The following ZNF516 variants were observed in gnomAD, a reference collection of about 807,000 sequenced individuals.
ZNF516 encodes zinc finger protein 516.
A neutral mutation model predicts 79.7 loss-of-function variants in ZNF516; 19 were observed. The ratio of observed to expected loss-of-function variants is 0.24; its 90% CI spans 0.17 to 0.35. The LOEUF (loss-of-function observed/expected upper bound fraction) is 0.35, where lower values mean the gene tolerates loss of function less well. Ranked by LOEUF, ZNF516 falls within the 10% of genes least tolerant of loss-of-function variation. The pLI is 1.00. For missense variants in ZNF516, 1,678 were observed against 1,679.5 expected, an observed-to-expected ratio of 1.00 and a Z score of 0.02; for synonymous variants, 877 against 739.5, an observed-to-expected ratio of 1.19 and a Z score of -3.02.
chr18:76,460,632 T>C (rs1913041818), intron 2 of ZNF516, among the ~76,000 whole-genome samples: 1 of 152,128 alleles, frequency 6.6e-6, no homozygotes, highest in Non-Finnish European at 1.5e-5. Flanking sequence ...TTTCCTCCCT[T>C]TTTCAACGAG....
intron 1 of ZNF516, among the ~76,000 whole-genome samples, chr18:76,481,306 G>A (rs1880226496): frequency 6.6e-6 from 1 of 152,208 alleles, no homozygotes; most frequent in Admixed American, 6.5e-5. Flanking sequence ...AACAGAGCAG[G>A]CCCATAGACA....
chr18:76,432,544 C>T (rs2075675904), intron 3 of ZNF516, among the ~76,000 whole-genome samples: 9 of 152,276 alleles, frequency 5.9e-5, no homozygotes, highest in Admixed American at 5.2e-4. Context: ...TCTTCCGTGT[C>T]ACCTGAGCCC....
chr18:76,496,287 C>G (rs577179262), upstream of ZNF516: 1 of 1,288,958 alleles, frequency 7.8e-7, no homozygotes, highest in East Asian at 5.6e-5. Flanking sequence ...AGGCTCCTGG[C>G]CGTATTGTTC....
chr18:76,424,716 G>T (rs2075567346), intron 3 of ZNF516, among the ~76,000 whole-genome samples: 2 of 125,132 alleles, frequency 1.6e-5, no homozygotes, highest in Non-Finnish European at 3.2e-5. Context: ...AGGTGAAAAG[G>T]CTCCCTCCTG....
chr18:76,464,581 C>T (rs957557578), intron 1 of ZNF516, among the ~76,000 whole-genome samples: 3 of 151,736 alleles, frequency 2.0e-5, no homozygotes, highest in Admixed American at 2.0e-4. Context: ...TCCCTGGCAC[C>T]CCCAGCCTGG....
At chr18:76,388,864 C>CG (rs1319138143) in intron 3 of ZNF516, 4 of 152,162 alleles carry the variant, frequency 2.6e-5, no homozygotes, top group Non-Finnish European at 5.9e-5. Context: ...AGGCCCACGA[C>CG]GGGGCTGGCC....
Position 76,447,605 on chromosome 18 carries a change from C to T in ZNF516, c.-157-4394G>A, listed in dbSNP as rs117915937. Among the ~76,000 whole-genome samples the T allele has an allele frequency of 5.5e-3, 836 of 152,318 alleles. 2 individuals are homozygous for T. The highest frequency in any genetic ancestry group is 8.6e-3 in the Non-Finnish European group (588 of 68,032). On this transcript the variant is annotated intron_variant, in intron 2 of 6. Transcript: ENST00000443185. ...GGAATACGGAAAGGTTCTGCAACAA[C>T]ACAGATGCTCAGAGCCAAGGTGGAG...
chr18:76,490,854 G>T, intron 1 of ZNF516: 1 of 985,484 alleles, frequency 1.0e-6, no homozygotes, highest in Non-Finnish European at 1.2e-6. Flanking sequence ...GACACCCCTG[G>T]AAGGCCAGCC....
intron 3 of ZNF516, chr18:76,388,565 T>C (rs73974502): frequency 0.092 from 13,935 of 152,224 alleles, 1,567 homozygotes; most frequent in African/African-American, 0.27. Context: ...ATCATGTACA[T>C]TGATGACCCA....
chr18:76,402,414 T>TC (rs1159743952), intron 3 of ZNF516, among the ~76,000 whole-genome samples: 15 of 1,770 alleles, frequency 8.5e-3, no homozygotes, highest in Admixed American at 0.059. Flanking sequence ...GGACATTTCC[T>TC]TTCATCCAAG....
intron 3 of ZNF516, among the ~76,000 whole-genome samples, chr18:76,424,529 G>A (rs1222397558): frequency 2.1e-5 from 3 of 141,540 alleles, no homozygotes; most frequent in Admixed American, 1.4e-4. Context: ...ACACATGCAG[G>A]TGAAAAGGCT....
chr18:76,395,964 T>C (rs11664190), intron 3 of ZNF516, among the ~76,000 whole-genome samples: 54,046 of 152,064 alleles, frequency 0.36, 9,897 homozygotes, highest in East Asian at 0.48. Flanking sequence ...CCTGCCTTCT[T>C]CCCAGCATCC....
chr18:76,380,448 AC>A, intron 3 of ZNF516, 145 bp from the exon 4 acceptor site: 1 of 1,006,338 alleles, frequency 9.9e-7, no homozygotes, highest in Non-Finnish European at 1.4e-6. Context: ...CTCTTAGAAA[AC>A]CCCTGAGGAG....
chr18:76,453,921 G>A (rs941185271), intron 2 of ZNF516, among the ~76,000 whole-genome samples: 3 of 152,050 alleles, frequency 2.0e-5, no homozygotes, highest in Non-Finnish European at 4.4e-5. Context: ...AACAATGTTC[G>A]CCTCCCAAAC....
At chr18:76,484,288 C>T (rs1914701259) in intron 1 of ZNF516, among the ~76,000 whole-genome samples, 1 of 152,296 alleles carries the variant, frequency 6.6e-6, no homozygotes, top group South Asian at 2.1e-4. Context: ...TGTCAGGATT[C>T]ACTCAAAAAT....
chr18:76,358,675 C>T lies in ZNF516; in HGVS notation c.*3823G>A, dbSNP rs148777975. 1.3e-5 allele frequency: 2 copies of T among 152,298 alleles called. No homozygotes were observed. The highest frequency in any genetic ancestry group is 2.1e-4 in the South Asian group (1 of 4,818). The allele number at this position is 152,298 out of a possible 1,614,324, so 9.4% of individuals were successfully genotyped here. ...ATATGCTACTTAAGACATTTTGAAGCAGAAAGTAAAGCTATGTGAATGCCG... is the reference window on the plus strand; with the variant it reads ...ATATGCTACTTAAGACATTTTGAAGTAGAAAGTAAAGCTATGTGAATGCCG... On this transcript the variant is annotated 3_prime_UTR_variant, in exon 7 of 7. Coordinates refer to ENST00000443185, the MANE Select transcript of ZNF516 (RefSeq NM_014643.4).
rs2075225703 is a variant in ZNF516, at chr18:76,401,679, C to T, written c.1811-21376G>A. Among the ~76,000 whole-genome samples the T allele has an allele frequency of 2.7e-5, 4 of 147,744 alleles. 1 individual carries two copies. Among genetic ancestry groups the T allele is most frequent in the Admixed American group, 2.0e-4 (3 of 14,664 alleles). ...GGGCAAGGTGAGCCCGGAGCACAAC[C>T]GGCCTCCCAGTCAGTTCCTTCCCGG... On this transcript the variant is annotated intron_variant, in intron 3 of 6. Transcript: ENST00000443185.
intron 3 of ZNF516, among the ~76,000 whole-genome samples, chr18:76,417,881 T>C (rs1033756992): frequency 2.6e-5 from 4 of 152,252 alleles, no homozygotes; most frequent in Non-Finnish European, 5.9e-5. Context: ...TGTCACTTAT[T>C]AAATGTGAGA....
intron 5 of ZNF516, among the ~76,000 whole-genome samples, chr18:76,370,976 C>A (rs539728144): frequency 7.2e-5 from 11 of 152,186 alleles, no homozygotes; most frequent in African/African-American, 2.7e-4. Context: ...AATGCCCCTG[C>A]GCTGTCCTGA....
Sources: gnomAD v4.1 joint callset for allele counts (sites outside exome capture counted in the v4.1 genomes callset) on GRCh38, gnomAD v4.1.1 for gene constraint, MANE v1.5 for transcripts, NCBI Gene and HGNC (gene_info 2026-07-23, HGNC 2026-07-21) for gene names.